VPS13B: variants seen among roughly 807,000 people sequenced by gnomAD.
VPS13B encodes the protein intermembrane lipid transfer protein VPS13B.
In VPS13B, 285 loss-of-function variants were observed where a neutral mutation model predicts 426.4. The ratio of observed to expected loss-of-function variants is 0.67; its 90% confidence interval spans 0.61 to 0.74. The LOEUF is 0.74. Among genes scored for constraint, VPS13B ranks in the 30% least tolerant of loss-of-function variants. The pLI, the probability that VPS13B is intolerant of heterozygous loss-of-function variation, is 0.00. For missense variants in VPS13B, 4,537 were observed against 4,782.6 expected (o/e 0.95, Z 1.51); for synonymous variants, 1,676 against 1,676.4 (o/e 1.00, Z 0.01).
chr8:99,216,835 C>T (rs543315689), intron 17 of VPS13B, among the ~76,000 whole-genome samples: 1 of 151,522 alleles, frequency 6.6e-6, no homozygotes, highest in Non-Finnish European at 1.5e-5. Flanking sequence ...ATTGATTTCA[C>T]CTGTTTTTAC....
intron 30 of VPS13B, among the ~76,000 whole-genome samples, chr8:99,539,962 T>C (rs2133719710): frequency 7.3e-6 from 1 of 136,450 alleles, no homozygotes; most frequent in East Asian, 2.1e-4. Context: ...ATAGCATTTA[T>C]ATATAAAAAT....
At chr8:99,696,756 G>C in intron 35 of VPS13B, 2 of 1,299,204 alleles carry the variant, frequency 1.5e-6, no homozygotes, top group South Asian at 1.2e-5. Flanking sequence ...GAGAGACCCA[G>C]CAATGAGGAA....
intron 56 of VPS13B, among the ~76,000 whole-genome samples, chr8:99,856,776 G>T (rs1816571805): frequency 6.6e-6 from 1 of 152,138 alleles, no homozygotes; most frequent in Non-Finnish European, 1.5e-5. Context: ...GGGAGGCAGA[G>T]GTTGCAGTGA....
At chr8:99,723,463 A>G (rs934662888) in intron 39 of VPS13B, among the ~76,000 whole-genome samples, 2 of 152,164 alleles carry the variant, frequency 1.3e-5, no homozygotes, top group Non-Finnish European at 1.5e-5. Flanking sequence ...ACTAGTACGT[A>G]TTTGCAAATA....
intron 19 of VPS13B, among the ~76,000 whole-genome samples, chr8:99,378,910 T>C (rs956592506): frequency 3.2e-4 from 48 of 152,158 alleles, no homozygotes; most frequent in African/African-American, 1.1e-3. Context: ...TTCTGCTTTT[T>C]TCTCATGTCT....
chr8:99,289,284 G>T (rs1158070225), intron 19 of VPS13B, among the ~76,000 whole-genome samples: 1 of 152,012 alleles, frequency 6.6e-6, no homozygotes, highest in African/African-American at 2.4e-5. Flanking sequence ...TCTAACTTCA[G>T]GTAAAATAGG....
At chr8:99,845,245 C>G (rs1588774927) in intron 54 of VPS13B, among the ~76,000 whole-genome samples, 2 of 152,110 alleles carry the variant, frequency 1.3e-5, no homozygotes, top group East Asian at 3.8e-4. Context: ...CTTGTTCATG[C>G]TAAATGCCTA....
chr8:99,602,279 G>T (rs955851156), intron 33 of VPS13B, among the ~76,000 whole-genome samples: 37 of 152,214 alleles, frequency 2.4e-4, no homozygotes, highest in African/African-American at 8.4e-4. Flanking sequence ...GCTTGTTTTT[G>T]TCAGGTTTGT....
chr8:99,413,256 G>A (rs529935566), intron 21 of VPS13B, among the ~76,000 whole-genome samples: 38 of 152,154 alleles, frequency 2.5e-4, no homozygotes, highest in South Asian at 6.2e-4. Flanking sequence ...GGTCTATTCA[G>A]GGATTCAACT....
At position 99,876,597 on chromosome 8, in the gene VPS13B, TTTG is replaced by T. The variant is rs1256025788; in HGVS notation, c.*934_*936del. On this transcript the variant is annotated 3_prime_UTR_variant, in exon 62 of 62. Coordinates refer to ENST00000357162, the MANE Select transcript of VPS13B (RefSeq NM_152564.5). ...AATGCTAACAATTATACCAGTCCAT[TTTG>T]TTTATTCTGTGGAATTGACTTGACA... 1.3e-5 allele frequency: 2 copies of T among 152,184 alleles called. No homozygotes were observed. Among genetic ancestry groups the T allele is most frequent in the Non-Finnish European group, 2.9e-5 (2 of 68,026 alleles). The allele number at this position is 152,184 out of a possible 1,614,324, so 9.4% of individuals were successfully genotyped here. A position where few individuals can be genotyped will look rare whatever the true frequency, so the allele number is the denominator to read the frequency against.
intron 36 of VPS13B, among the ~76,000 whole-genome samples, chr8:99,704,217 G>T (rs1832405603): frequency 1.3e-5 from 2 of 152,132 alleles, no homozygotes; most frequent in Admixed American, 6.6e-5. Flanking sequence ...AGTAGAGAGA[G>T]AAAGCATAAC....
At chr8:99,517,863 G>C (rs890483893) in intron 29 of VPS13B, among the ~76,000 whole-genome samples, 4 of 150,652 alleles carry the variant, frequency 2.7e-5, no homozygotes, top group African/African-American at 4.9e-5. Context: ...TTTTTGCGGT[G>C]ATAAAGTAAC....
intron 5 of VPS13B, among the ~76,000 whole-genome samples, chr8:99,105,733 G>A (rs549699927): frequency 6.6e-6 from 1 of 152,138 alleles, no homozygotes; most frequent in Non-Finnish European, 1.5e-5. Context: ...ATTTAATTTA[G>A]TATAGAAGCA....
intron 24 of VPS13B, among the ~76,000 whole-genome samples, chr8:99,474,029 G>A (rs1819552979): frequency 6.6e-6 from 1 of 152,032 alleles, no homozygotes; most frequent in Admixed American, 6.6e-5. Context: ...CTCATAGTTT[G>A]GAAGACTCAA....
intron 19 of VPS13B, among the ~76,000 whole-genome samples, chr8:99,355,636 A>G (rs985852801): frequency 4.6e-5 from 7 of 152,012 alleles, no homozygotes; most frequent in Admixed American, 3.3e-4. Flanking sequence ...ACCTCTCTAA[A>G]TGAATGTATG....
chr8:99,269,797 G>T (rs1253591991), intron 17 of VPS13B, among the ~76,000 whole-genome samples: 1 of 151,996 alleles, frequency 6.6e-6, no homozygotes, highest in East Asian at 1.9e-4. Context: ...CACATTTGGG[G>T]CATTTTATAA....
intron 30 of VPS13B, among the ~76,000 whole-genome samples, chr8:99,536,272 A>G (rs1234646400): frequency 6.6e-6 from 1 of 152,188 alleles, no homozygotes; most frequent in Non-Finnish European, 1.5e-5. Flanking sequence ...AATTTAAAGC[A>G]CAATTTTAGA....
intron 43 of VPS13B, among the ~76,000 whole-genome samples, chr8:99,792,562 G>A (rs946270537): frequency 6.6e-6 from 1 of 152,162 alleles, no homozygotes; most frequent in Admixed American, 6.6e-5. Flanking sequence ...GAAGCAAACT[G>A]TCATGTTCTG....
chr8:99,421,143 C>T (rs567135296), intron 21 of VPS13B, among the ~76,000 whole-genome samples: 25 of 152,132 alleles, frequency 1.6e-4, no homozygotes, highest in Non-Finnish European at 3.4e-4. Flanking sequence ...CACAAGCTGA[C>T]TCCAAGTGTA....
Sources: gnomAD v4.1 joint callset for allele counts (sites outside exome capture counted in the v4.1 genomes callset) on GRCh38, gnomAD v4.1.1 for gene constraint, MANE v1.5 for transcripts, NCBI Gene and HGNC (gene_info 2026-07-23, HGNC 2026-07-21) for gene names.